Variants in XKR9 observed in about 807,000 individuals in gnomAD.
The protein encoded by XKR9 is XK related 9.
A neutral mutation model predicts 32.0 loss-of-function variants in XKR9; 32 were observed. The observed-to-expected ratio is 1.00, with a 90% CI of 0.76 to 1.34. XKR9 has a LOEUF of 1.34. Among genes scored for constraint, XKR9 ranks in the 40% most tolerant of loss-of-function variants. XKR9 has a pLI of 0.00. For missense variants in XKR9, 546 were observed against 429.7 expected, an observed-to-expected ratio of 1.27 and a Z score of -2.39; for synonymous variants, 168 against 143.4, an observed-to-expected ratio of 1.17 and a Z score of -1.22.
chr8:70,736,928 T>C (rs1240350519), downstream of XKR9, among the ~76,000 whole-genome samples: 2 of 152,174 alleles, frequency 1.3e-5, no homozygotes, highest in East Asian at 3.8e-4. Context: ...TTCTTTTGGC[T>C]TAGGATTGAC....
At chr8:70,965,292 G>T in the XKR9 span, among the ~76,000 whole-genome samples, 3 of 152,186 alleles carry the variant, frequency 2.0e-5, no homozygotes, top group Non-Finnish European at 2.9e-5. Flanking sequence ...TCCTGGGGAT[G>T]AAGGCAGCTT....
the XKR9 span, among the ~76,000 whole-genome samples, chr8:71,013,949 A>G: frequency 1.3e-5 from 2 of 152,032 alleles, no homozygotes; most frequent in East Asian, 3.9e-4. Context: ...GTCACACCCA[A>G]TGGTACATTG....
At chr8:70,883,289 G>A in the XKR9 span, among the ~76,000 whole-genome samples, 23 of 152,172 alleles carry the variant, frequency 1.5e-4, 1 homozygote, top group African/African-American at 5.3e-4. Context: ...CTCCATTCAA[G>A]TTGCTGCAAA....
chr8:70,836,763 C>A, the XKR9 span, among the ~76,000 whole-genome samples: 9 of 152,014 alleles, frequency 5.9e-5, no homozygotes, highest in African/African-American at 1.9e-4. Context: ...TATAAATAGT[C>A]TTTTACTTAA....
the XKR9 span, among the ~76,000 whole-genome samples, chr8:70,911,880 C>T: frequency 6.6e-6 from 1 of 152,038 alleles, no homozygotes; most frequent in Non-Finnish European, 1.5e-5. Context: ...AATGACCACA[C>T]AGTGCAGTAA....
At chr8:70,919,154 G>A in the XKR9 span, among the ~76,000 whole-genome samples, 12,802 of 152,132 alleles carry the variant, frequency 0.084, 614 homozygotes, top group African/African-American at 0.098. Context: ...TTTACATTTC[G>A]ACTCTGCAAT....
chr8:70,756,613 T>A (rs1807229974), intron 2 of XKR9, among the ~76,000 whole-genome samples: 1 of 152,260 alleles, frequency 6.6e-6, no homozygotes, highest in African/African-American at 2.4e-5. Flanking sequence ...TATATCCTTT[T>A]TGATGCTACT....
the XKR9 span, among the ~76,000 whole-genome samples, chr8:70,798,150 A>G: frequency 6.6e-6 from 1 of 152,164 alleles, no homozygotes; most frequent in Non-Finnish European, 1.5e-5. Context: ...ACAATGGCTG[A>G]ACTGTTTACA....
At chr8:71,003,062 A>T in the XKR9 span, among the ~76,000 whole-genome samples, 2 of 152,232 alleles carry the variant, frequency 1.3e-5, no homozygotes, top group African/African-American at 4.8e-5. Context: ...TAATGAGTAC[A>T]TCACACTGAA....
At chr8:70,873,977 C>A in the XKR9 span, among the ~76,000 whole-genome samples, 2 of 152,178 alleles carry the variant, frequency 1.3e-5, no homozygotes, top group Non-Finnish European at 2.9e-5. Flanking sequence ...AGTCAGCAGC[C>A]ACCAACCCTG....
the XKR9 span, among the ~76,000 whole-genome samples, chr8:70,796,744 TAAAAG>T: frequency 2.0e-5 from 3 of 152,292 alleles, no homozygotes; most frequent in South Asian, 2.1e-4. Context: ...GTGTGTTACT[TAAAAG>T]AAAGAATGTT....
chr8:70,714,869 GAAT>G (rs1357002217), intron 4 of XKR9, among the ~76,000 whole-genome samples: 1 of 152,062 alleles, frequency 6.6e-6, no homozygotes, highest in Non-Finnish European at 1.5e-5. Flanking sequence ...GAATTAATAA[GAAT>G]AATGTGATTG....
intron 2 of XKR9, among the ~76,000 whole-genome samples, chr8:70,776,368 C>G (rs1807520391): frequency 6.6e-6 from 1 of 152,002 alleles, no homozygotes; most frequent in Non-Finnish European, 1.5e-5. Flanking sequence ...AATAATAGTA[C>G]CTTTTTTTAA....
At chr8:70,862,480 G>A in the XKR9 span, among the ~76,000 whole-genome samples, 1 of 150,568 alleles carries the variant, frequency 6.6e-6, no homozygotes, top group East Asian at 1.9e-4. Flanking sequence ...GTTGTTATTT[G>A]TTTTAGATGA....
chr8:70,816,778 T>C, the XKR9 span, among the ~76,000 whole-genome samples: 1 of 152,126 alleles, frequency 6.6e-6, no homozygotes, highest in Non-Finnish European at 1.5e-5. Context: ...TTCACCATGA[T>C]TGAATAGGCT....
chr8:70,788,265 TA>T (rs1329479494), intron 2 of XKR9, among the ~76,000 whole-genome samples: 1 of 152,082 alleles, frequency 6.6e-6, no homozygotes, highest in Non-Finnish European at 1.5e-5. Context: ...TGTCTGATGT[TA>T]TTAAGTGTTA....
At chr8:70,763,448 G>T (rs1807334100) in intron 2 of XKR9, among the ~76,000 whole-genome samples, 1 of 152,120 alleles carries the variant, frequency 6.6e-6, no homozygotes, top group Admixed American at 6.5e-5. Context: ...TGGGTGTGAG[G>T]TAAGAATCCC....
At chr8:70,984,278 A>G in the XKR9 span, among the ~76,000 whole-genome samples, 2 of 152,188 alleles carry the variant, frequency 1.3e-5, no homozygotes. Flanking sequence ...CTGCAGGTCA[A>G]GGGGGGCCCA....
chr8:70,893,070 A>G, the XKR9 span, among the ~76,000 whole-genome samples: 1 of 151,814 alleles, frequency 6.6e-6, no homozygotes, highest in African/African-American at 2.4e-5. Context: ...CTAATTTCTA[A>G]TGACCTATCT....
Sources: gnomAD v4.1 joint callset for allele counts (sites outside exome capture counted in the v4.1 genomes callset) on GRCh38, gnomAD v4.1.1 for gene constraint, MANE v1.5 for transcripts, NCBI Gene and HGNC (gene_info 2026-07-23, HGNC 2026-07-21) for gene names.